Variants in LIMK1 observed in about 807,000 individuals in gnomAD.
LIMK1 encodes the protein LIM domain kinase 1, also known as LIM motif-containing protein kinase.
A neutral mutation model predicts 77.6 loss-of-function variants in LIMK1; 21 were observed. That is an observed-to-expected ratio of 0.27 (90% CI 0.19 to 0.39). The LOEUF (loss-of-function observed/expected upper bound fraction) is 0.39. Among genes scored for constraint, LIMK1 ranks in the 10% least tolerant of loss-of-function variants. LIMK1 has a pLI of 1.00. For missense variants in LIMK1, 696 were observed against 901.6 expected (o/e 0.77, Z 2.92); for synonymous variants, 358 against 370.0 (o/e 0.97, Z 0.37).
chr7:74,095,121 G>T (rs186450531), intron 2 of LIMK1, among the ~76,000 whole-genome samples: 5 of 152,238 alleles, frequency 3.3e-5, no homozygotes, highest in Admixed American at 3.3e-4. Flanking sequence ...ACCCATGCAG[G>T]CCCCAGGCTG....
Position 74,085,834 on chromosome 7 carries a change from G to C in LIMK1, c.142G>C (p.Asp48His). 1 of 1,553,938 alleles carries C rather than the reference G, an allele frequency of 6.4e-7. No homozygotes were observed. The highest frequency in any genetic ancestry group is 8.7e-7 in the Non-Finnish European group (1 of 1,149,118). ...GGCCCTGAACGCGGACTGGCACGCA[G>C]ACTGCTTCAGGTAGGGTGGGGTGCC... Reference protein sequence around the residue: ...LQALNADWHADCFRCCDCSAS... With the variant: ...LQALNADWHAHCFRCCDCSAS... The change falls in exon 2 of 16, where the codon GAC becomes CAC. Residue 48 changes from aspartate (D) to histidine (H), a missense_variant. Asp to His is a moderately conservative substitution (Grantham distance 81). Transcript: ENST00000336180.
intron 5 of LIMK1, among the ~76,000 whole-genome samples, chr7:74,103,816 A>T (rs1799514946): frequency 6.6e-6 from 1 of 151,858 alleles, no homozygotes; most frequent in African/African-American, 2.4e-5. Context: ...TTTTTTTGAG[A>T]TAGGGTCTCA....
intron 2 of LIMK1, among the ~76,000 whole-genome samples, chr7:74,087,467 A>G (rs1249054683): frequency 1.3e-5 from 2 of 152,194 alleles, no homozygotes; most frequent in African/African-American, 4.8e-5. Flanking sequence ...CATAGTCACC[A>G]AACAGCAAGG....
At chr7:74,091,923 G>A (rs1392908399) in intron 2 of LIMK1, among the ~76,000 whole-genome samples, 1 of 151,652 alleles carries the variant, frequency 6.6e-6, no homozygotes, top group Admixed American at 6.6e-5. Flanking sequence ...GAGCCTTGTG[G>A]GCCCCGTGGA....
chr7:74,109,954 C>G lies in LIMK1; in HGVS notation c.1284+918C>G, dbSNP rs181990405. ...CTGTACCACCCTGAGACCATGGGAT[C>G]TTCCTCAGGTTGGATTACCTTGTAT... On this transcript the variant is annotated intron_variant, in intron 10 of 15. Coordinates refer to ENST00000336180, the MANE Select transcript of LIMK1 (RefSeq NM_002314.4). 1,161 of 152,368 alleles carry G rather than the reference C, an allele frequency of 7.6e-3. 20 individuals are homozygous for G. Among genetic ancestry groups the G allele is most frequent in the Admixed American group, 0.028 (432 of 15,286 alleles). 9.4% of individuals were successfully genotyped at this position (152,368 alleles called of 1,614,324 possible). A position where few individuals can be genotyped will look rare whatever the true frequency, so the allele number is the denominator to read the frequency against.
At chr7:74,119,863 G>A (rs1007404954) in intron 13 of LIMK1, among the ~76,000 whole-genome samples, 5 of 152,062 alleles carry the variant, frequency 3.3e-5, no homozygotes, top group East Asian at 1.9e-4. Flanking sequence ...AGCCACAATC[G>A]TACCACTGCA....
intron 2 of LIMK1, among the ~76,000 whole-genome samples, chr7:74,092,060 G>T (rs1040376545): frequency 6.9e-6 from 1 of 144,168 alleles, no homozygotes; most frequent in African/African-American, 2.5e-5. Flanking sequence ...TCCGCCTCCC[G>T]GGTTCAAGCG....
At chr7:74,119,989 C>T (rs1303946399) in intron 13 of LIMK1, among the ~76,000 whole-genome samples, 1 of 152,176 alleles carries the variant, frequency 6.6e-6, no homozygotes, top group Non-Finnish European at 1.5e-5. Context: ...TGCGCTCCCT[C>T]CAGGGCGATC....
At chr7:74,120,685 C>T (rs1554700391) in intron 14 of LIMK1, 47 bp downstream of exon 14, 2 of 1,596,542 alleles carry the variant, frequency 1.3e-6, no homozygotes. Context: ...TGGGCTCCTC[C>T]CCACTCACCC....
rs138452875 is a variant in LIMK1 at position 74,112,510 on chromosome 7, G to A, written c.1410+512G>A. 8.9e-3 allele frequency among the ~76,000 whole-genome samples: 1,352 copies of A among 151,886 alleles called. 19 individuals are homozygous for A. Among genetic ancestry groups the A allele is most frequent in the African/African-American group, 0.029 (1,212 of 41,422 alleles). On this transcript the variant is annotated intron_variant, in intron 12 of 15. Transcript: ENST00000336180. The stretch of plus-strand genomic sequence containing the variant: ...CCGAGGCAGGCGGATCACGAGGTCA[G>A]GAGATCGAGACCGTCCTGGCTAACA...
At chr7:74,120,120 G>A (rs1799900385) in intron 13 of LIMK1, among the ~76,000 whole-genome samples, 1 of 152,136 alleles carries the variant, frequency 6.6e-6, no homozygotes, top group Admixed American at 6.6e-5. Context: ...CTCTTCTGCT[G>A]TGTCTTCTCT....
intron 2 of LIMK1, among the ~76,000 whole-genome samples, chr7:74,089,193 T>A (rs1453592956): frequency 6.6e-6 from 1 of 152,178 alleles, no homozygotes; most frequent in Non-Finnish European, 1.5e-5. Context: ...GACTAAAACC[T>A]TCTCACTCCA....
intron 13 of LIMK1, among the ~76,000 whole-genome samples, chr7:74,117,864 T>C (rs1554699835): frequency 6.6e-6 from 1 of 151,774 alleles, no homozygotes; most frequent in Non-Finnish European, 1.5e-5. Context: ...TTCCAGCACT[T>C]TGGGAGGCTG....
Position 74,107,122 on chromosome 7 carries a change from C to G in LIMK1, c.994C>G (p.Arg332Gly). 1 of 1,613,044 alleles carries G rather than the reference C, an allele frequency of 6.2e-7. No homozygotes were observed. Among genetic ancestry groups the G allele is most frequent in the Middle Eastern group, 1.7e-4 (1 of 6,044 alleles). Residue 332 changes from arginine (R) to glycine (G), a missense_variant, in exon 8 of 16, where the codon CGC (arginine) becomes GGC (glycine). Arg to Gly is a moderately radical substitution (Grantham distance 125). Around this residue, in one of 3 missense-constraint regions of LIMK1, gnomAD observed 438 missense variants for 602.3 expected, o/e 0.73. Transcript: ENST00000336180. ...ESLRVVCRPH[R>G]IFRPSDLIHG... ...CCTCCGCGTAGTCTGCCGGCCACACCGCATCTTCCGGCCGTCGGACCTCAT... is the reference window on the plus strand; with the variant it reads ...CCTCCGCGTAGTCTGCCGGCCACACGGCATCTTCCGGCCGTCGGACCTCAT...
chr7:74,103,435 C>T (rs1206338634), intron 5 of LIMK1, among the ~76,000 whole-genome samples: 2 of 152,088 alleles, frequency 1.3e-5, no homozygotes, highest in African/African-American at 2.4e-5. Context: ...GAGACAGGCT[C>T]TGCAGGTTTG....
intron 10 of LIMK1, chr7:74,110,971 C>CA (rs1799686607): frequency 2.0e-5 from 3 of 152,384 alleles, no homozygotes; most frequent in Admixed American, 6.5e-5. Context: ...TGCGGTGGCT[C>CA]ACGCCTGTAA....
chr7:74,084,072 A>C lies in LIMK1; in HGVS notation c.55+27A>C. 4 of 1,351,882 alleles carry C rather than the reference A, an allele frequency of 3.0e-6. No homozygotes were observed. The South Asian group carries it at 4.1e-5, about 14-fold the overall frequency. 83.7% of individuals were successfully genotyped at this position (1,351,882 alleles called of 1,614,324 possible). Reference sequence around the variant, plus strand: ...TGCGCGGGCCGCGGGGTGTGGGGCGAGGGCCTGGAGGGGGTGCCCGGGGCA... The same window carrying C: ...TGCGCGGGCCGCGGGGTGTGGGGCGCGGGCCTGGAGGGGGTGCCCGGGGCA... On this transcript the variant is annotated intron_variant, in intron 1 of 15. Coordinates refer to ENST00000336180, the MANE Select transcript of LIMK1 (RefSeq NM_002314.4).
chr7:74,087,265 G>A (rs1450684984), intron 2 of LIMK1, among the ~76,000 whole-genome samples: 2 of 152,078 alleles, frequency 1.3e-5, no homozygotes, highest in African/African-American at 2.4e-5. Context: ...TTAGCCGGGC[G>A]TGGTGGCGCA....
At chr7:74,102,546 C>T (rs529818920) in intron 5 of LIMK1, among the ~76,000 whole-genome samples, 2 of 122,870 alleles carry the variant, frequency 1.6e-5, no homozygotes, top group South Asian at 2.7e-4. Context: ...TGCAGTGATG[C>T]GATCACAGCT....
Sources: gnomAD v4.1 joint callset for allele counts (sites outside exome capture counted in the v4.1 genomes callset) on GRCh38, gnomAD v4.1.1 for gene constraint, gnomAD v4.1.1 regional missense constraint, MANE v1.5 for transcripts, NCBI Gene and HGNC (gene_info 2026-07-23, HGNC 2026-07-21) for gene names.